The following CYP4V2 variants were observed in gnomAD, a reference collection of about 807,000 sequenced individuals.
CYP4V2 encodes cytochrome P450 4V2.
In CYP4V2, 55 loss-of-function variants were observed where a neutral mutation model predicts 60.8. The observed-to-expected ratio is 0.90, with a 90% CI of 0.73 to 1.13. The LOEUF (loss-of-function observed/expected upper bound fraction) is 1.13. Ranked by LOEUF, CYP4V2 falls within the 50% of genes most tolerant of loss-of-function variation. The pLI is 0.00. For synonymous variants in CYP4V2, 239 were observed against 236.8 expected, an observed-to-expected ratio of 1.01 and a Z score of -0.08; for missense variants, 675 against 662.9, an observed-to-expected ratio of 1.02 and a Z score of -0.20.
At position 186,197,077 on chromosome 4, in the gene CYP4V2, A is replaced by G. The variant is rs945246638; in HGVS notation, c.551A>G (p.Glu184Gly). The G allele has an allele frequency of 6.2e-7, 1 of 1,613,984 alleles. No individual in the cohort carries two copies. The part of the protein sequence containing the change: ...VKKLEKHINQ[E>G]AFNCFFYITL... Reference sequence around the variant, plus strand: ...AAACTTGAAAAACACATTAACCAAGAAGCATTTAACTGCTTTTTTTACATC... The same window carrying G: ...AAACTTGAAAAACACATTAACCAAGGAGCATTTAACTGCTTTTTTTACATC... Residue 184 changes from glutamate (E) to glycine (G), a missense_variant, in exon 4 of 11, where the codon GAA (glutamate) becomes GGA (glycine). Physicochemically the swap from Glu to Gly is moderately conservative, Grantham distance 98. Transcript: ENST00000378802.
chr4:186,196,426 A>C, intron 3 of CYP4V2: 1 of 358,948 alleles, frequency 2.8e-6, no homozygotes, highest in Non-Finnish European at 5.3e-6. Flanking sequence ...TGAAAATCCA[A>C]TCAAAAAGAT....
Position 186,205,198 on chromosome 4 carries a change from AG to A in CYP4V2, c.990del, listed in dbSNP as rs746600406. 1.9e-6 allele frequency: 3 copies of A among 1,614,014 alleles called. No homozygotes were observed. The African/African-American group carries it at 4.0e-5, about 22-fold the overall frequency. On this transcript the variant is annotated splice_acceptor_variant, in intron 7 of 10. Transcript: ENST00000378802. LOFTEE classifies it high-confidence loss of function. ...TTAAGCTATTGTTTTCTGCATTTGTAGGGGCACGATACAACTGCAGCTGCAA... is the reference window on the plus strand; with the variant it reads ...TTAAGCTATTGTTTTCTGCATTTGTAGGGCACGATACAACTGCAGCTGCAA...
At chr4:186,202,428 T>C (rs6835839) in intron 7 of CYP4V2, 2 of 151,916 alleles carry the variant, frequency 1.3e-5, no homozygotes, top group African/African-American at 4.8e-5. Flanking sequence ...CTTATTTTAA[T>C]AGCACAAGCC....
chr4:186,209,306 G>A, intron 10 of CYP4V2, 34 bp downstream of exon 10: 2 of 1,613,404 alleles, frequency 1.2e-6, no homozygotes, highest in Middle Eastern at 1.7e-4. Flanking sequence ...TGACCTTTCA[G>A]GCCCACTTGA....
At position 186,210,645 on chromosome 4, in the gene CYP4V2, T is replaced by C. The variant is rs76978024; in HGVS notation, c.*4T>C. The C allele has an allele frequency of 5.0e-3, 8,062 of 1,614,046 alleles. 26 individuals are homozygous for C. Among genetic ancestry groups the C allele is most frequent in the South Asian group, 8.8e-3 (801 of 91,078 alleles). On this transcript the variant is annotated 3_prime_UTR_variant, in exon 11 of 11. Transcript: ENST00000378802. The stretch of plus-strand genomic sequence containing the variant: ...GAGAAATGCAGATGAACGCTAACTA[T>C]ATTATTGGGTTGTGCCTTTATCATG...
At chr4:186,208,314 A>T (rs1484426208) in intron 8 of CYP4V2, among the ~76,000 whole-genome samples, 2 of 150,534 alleles carry the variant, frequency 1.3e-5, no homozygotes, top group Non-Finnish European at 2.9e-5. Context: ...AGGGTATTTG[A>T]TGGGTATTTA....
rs887017962 is a variant in CYP4V2 at position 186,213,370 on chromosome 4, T to C, written c.*2729T>C. 1 of 152,230 alleles carries C rather than the reference T, an allele frequency of 6.6e-6. No homozygotes were observed. Among genetic ancestry groups the C allele is most frequent in the Admixed American group, 6.5e-5 (1 of 15,286 alleles). 9.4% of individuals were successfully genotyped at this position (152,230 alleles called of 1,614,324 possible). A position where few individuals can be genotyped will look rare whatever the true frequency, so the allele number is the denominator to read the frequency against. On this transcript the variant is annotated 3_prime_UTR_variant, in exon 11 of 11. Transcript: ENST00000378802. ...AGGTACTGCATTTTATTCTAAGAAT[T>C]GATATCAATTCAAAACATAGAAAAC...
At position 186,212,988 on chromosome 4, in the gene CYP4V2, T is replaced by A. The variant is rs1736778753; in HGVS notation, c.*2347T>A. The A allele has an allele frequency of 1.3e-5, 2 of 152,256 alleles. No homozygotes were observed. Among genetic ancestry groups the A allele is most frequent in the Admixed American group, 6.5e-5 (1 of 15,284 alleles). The allele number at this position is 152,256 out of a possible 1,614,324, so 9.4% of individuals were successfully genotyped here. A position where few individuals can be genotyped will look rare whatever the true frequency, so the allele number is the denominator to read the frequency against. On this transcript the variant is annotated 3_prime_UTR_variant, in exon 11 of 11. Transcript: ENST00000378802. The stretch of plus-strand genomic sequence containing the variant: ...AAAGTCCTTCCAAGATGATTTTGGA[T>A]AATAAAAGTTGTATTTGTGGAAATT...
chr4:186,197,692 A>ACAAAAGATTAACTT, intron 5 of CYP4V2, 90 bp downstream of exon 5: 1 of 1,378,720 alleles, frequency 7.3e-7, no homozygotes, highest in South Asian at 1.2e-5. Flanking sequence ...GTATCTTTTT[A>ACAAAAGATTAACTT]TGGTTTCAAA....
At chr4:186,196,381 A>G (rs1262132251) in intron 3 of CYP4V2, 2 of 443,020 alleles carry the variant, frequency 4.5e-6, no homozygotes, top group Non-Finnish European at 8.3e-6. Context: ...TGGAGGACAC[A>G]GTAAAGCAAA....
intron 2 of CYP4V2, 49 bp downstream of exon 2, chr4:186,194,661 T>C (rs1298267982): frequency 1.3e-6 from 2 of 1,488,166 alleles, no homozygotes; most frequent in African/African-American, 2.8e-5. Flanking sequence ...TCTGACAGTG[T>C]GAGAATCTCA....
At chr4:186,205,729 T>C (rs979449619) in intron 8 of CYP4V2, among the ~76,000 whole-genome samples, 1 of 152,170 alleles carries the variant, frequency 6.6e-6, no homozygotes, top group Non-Finnish European at 1.5e-5. Flanking sequence ...TTCGAGGAGA[T>C]ACATTTCTAT....
intron 7 of CYP4V2, 82 bp downstream of exon 7, chr4:186,201,424 T>A: frequency 2.0e-6 from 3 of 1,496,652 alleles, no homozygotes; most frequent in Non-Finnish European, 2.7e-6. Context: ...TTTAAAACAA[T>A]CAAATTTTAA....
intron 2 of CYP4V2, among the ~76,000 whole-genome samples, 170 bp downstream of exon 2, chr4:186,194,782 G>A (rs180728307): frequency 3.9e-5 from 6 of 152,288 alleles, no homozygotes; most frequent in South Asian, 2.1e-4. Context: ...GGTATAGCCC[G>A]AATCCTGGGA....
chr4:186,206,143 C>G (rs1405527405), intron 8 of CYP4V2, among the ~76,000 whole-genome samples: 1 of 152,228 alleles, frequency 6.6e-6, no homozygotes, highest in Non-Finnish European at 1.5e-5. Context: ...ACTGCTATCT[C>G]TGCCAGTCTC....
chr4:186,192,141 A>G (rs1159062437), intron 1 of CYP4V2, 104 bp downstream of exon 1: 2 of 1,413,962 alleles, frequency 1.4e-6, no homozygotes, highest in South Asian at 1.2e-5. Context: ...CGCAGGAGAG[A>G]GGAGCCTGTC....
In CYP4V2 at chr4:186,196,025, A is replaced by C. The variant is rs1257667947; in HGVS notation, c.350A>C (p.Gln117Pro). 1 of 1,614,004 alleles carries C rather than the reference A, an allele frequency of 6.2e-7. No homozygotes were observed. The highest frequency in any genetic ancestry group is 8.5e-7 in the Non-Finnish European group (1 of 1,179,872). ...NVEVILTSSK[Q>P]IDKSSMYKFL... is the part of the protein sequence containing the mutation. ...AAGGTAATTTTAACTAGTTCAAAGC[A>C]AATTGACAAATCCTCTATGTACAAG... The change falls in exon 3 of 11, where the codon CAA becomes CCA. Residue 117 changes from glutamine to proline, a missense_variant. Gln to Pro is a moderately conservative substitution (Grantham distance 76, BLOSUM62 -1). Transcript: ENST00000378802.
rs922017288 is a variant in CYP4V2, at chr4:186,197,764, A to T, written c.674+162A>T. Among the ~76,000 whole-genome samples, 5 of 149,230 alleles carry T rather than the reference A, an allele frequency of 3.4e-5. No individual in the cohort carries two copies. The South Asian group carries it at 1.0e-3, about 31-fold the overall frequency. On this transcript the variant is annotated intron_variant, in intron 5 of 10. Coordinates refer to ENST00000378802, the MANE Select transcript of CYP4V2 (RefSeq NM_207352.4). The stretch of plus-strand genomic sequence containing the variant: ...AGCATGTGTTTAAGCAGTAAAGGTT[A>T]TGTAAATTATGGCACATCTAGATTA...
Position 186,196,085 on chromosome 4 carries a change from C to A in CYP4V2, c.410C>A (p.Thr137Lys). Residue 137 changes from threonine (T) to lysine (K), a missense_variant, in exon 3 of 11, where the codon ACA becomes AAA. Thr to Lys is a moderately conservative substitution (Grantham distance 78). Transcript: ENST00000378802. Reference sequence around the variant, plus strand: ...CCATGGCTTGGCCTAGGACTTCTTACAAGGTATGCCAGTGTACCTTTGTAA... The same window carrying A: ...CCATGGCTTGGCCTAGGACTTCTTAAAAGGTATGCCAGTGTACCTTTGTAA... ...LEPWLGLGLL[T>K]STGNKWRSRR... The A allele has an allele frequency of 1.2e-6, 2 of 1,611,742 alleles. No individual in the cohort carries two copies. The highest frequency in any genetic ancestry group is 1.7e-4 in the Middle Eastern group (1 of 6,060).
Sources: allele counts gnomAD v4.1 joint callset (sites outside exome capture counted in the v4.1 genomes callset), GRCh38; gene constraint gnomAD v4.1.1; transcripts MANE v1.5; gene names NCBI Gene and HGNC (gene_info 2026-07-23, HGNC 2026-07-21).